PLEKHA7: variants seen among roughly 807,000 people sequenced by gnomAD.
PLEKHA7 encodes the protein pleckstrin homology domain containing A7, also known as pleckstrin homology domain-containing family A member 7.
In PLEKHA7, 104 loss-of-function variants were observed where a neutral mutation model predicts 170.0. That is an observed-to-expected ratio of 0.61 (90% CI 0.52 to 0.72). The LOEUF (loss-of-function observed/expected upper bound fraction) is 0.72. PLEKHA7 is among the 30% of genes least tolerant of loss of function. The pLI is 0.00. For missense variants in PLEKHA7, 1,615 were observed against 1,671.7 expected, an observed-to-expected ratio of 0.97 and a Z score of 0.59; for synonymous variants, 648 against 660.8, an observed-to-expected ratio of 0.98 and a Z score of 0.30.
chr11:16,788,221 T>TG (rs1017879374), intron 23 of PLEKHA7: 3 of 152,378 alleles, frequency 2.0e-5, no homozygotes, highest in African/African-American at 4.8e-5. Context: ...TCAGTAGGCC[T>TG]GCATGAAGAG....
intron 3 of PLEKHA7, among the ~76,000 whole-genome samples, chr11:17,013,676 G>A (rs562312074): frequency 6.6e-6 from 1 of 152,372 alleles, no homozygotes; most frequent in South Asian, 2.1e-4. Flanking sequence ...CGCAGCCCCA[G>A]ACCCTAGAGG....
At chr11:16,783,550 AC>A in intron 25 of PLEKHA7, 149 bp downstream of exon 25, 1 of 827,922 alleles carries the variant, frequency 1.2e-6, no homozygotes, top group Non-Finnish European at 1.7e-6. Flanking sequence ...CTGGCGATGT[AC>A]CAGCCTGCCC....
intron 3 of PLEKHA7, among the ~76,000 whole-genome samples, chr11:16,984,856 G>A (rs899552623): frequency 2.0e-5 from 3 of 152,154 alleles, no homozygotes; most frequent in African/African-American, 4.8e-5. Flanking sequence ...GACCCTACAA[G>A]GTAGATGTTC....
intron 3 of PLEKHA7, among the ~76,000 whole-genome samples, chr11:16,986,888 C>T (rs1209365889): frequency 6.6e-6 from 1 of 152,178 alleles, no homozygotes; most frequent in African/African-American, 2.4e-5. Context: ...AAGGGGCAGG[C>T]CGAGCCCCTG....
chr11:16,831,998 C>T (rs1395492740), intron 9 of PLEKHA7, among the ~76,000 whole-genome samples: 2 of 152,216 alleles, frequency 1.3e-5, no homozygotes, highest in African/African-American at 4.8e-5. Flanking sequence ...AAGATATAAG[C>T]ATAAATTGCT....
intron 3 of PLEKHA7, among the ~76,000 whole-genome samples, chr11:16,977,369 T>C (rs1185716619): frequency 6.6e-6 from 1 of 152,114 alleles, no homozygotes; most frequent in East Asian, 1.9e-4. Flanking sequence ...CTGTTACACA[T>C]TGCTCACACG....
chr11:16,787,071 T>C, intron 23 of PLEKHA7: 1 of 985,400 alleles, frequency 1.0e-6, no homozygotes, highest in Non-Finnish European at 1.2e-6. Context: ...TTTCACAGTA[T>C]CAACTTTGTA....
intron 10 of PLEKHA7, 44 bp downstream of exon 10, chr11:16,826,076 T>C (rs776119094): frequency 1.3e-6 from 2 of 1,569,780 alleles, no homozygotes; most frequent in South Asian, 1.2e-5. Context: ...TGCCACTACA[T>C]TATCGTGCTC....
chr11:16,928,181 G>A (rs974951022), intron 3 of PLEKHA7, among the ~76,000 whole-genome samples: 1 of 152,122 alleles, frequency 6.6e-6, no homozygotes, highest in South Asian at 2.1e-4. Context: ...GACGGTTCAC[G>A]CCTGTAATCC....
At chr11:16,889,410 A>ATATAT (rs1856450038) in intron 3 of PLEKHA7, among the ~76,000 whole-genome samples, 5 of 113,812 alleles carry the variant, frequency 4.4e-5, no homozygotes, top group African/African-American at 1.6e-4. Flanking sequence ...CAAAAAAAAA[A>ATATAT]AAAAAAAAAA....
At chr11:16,877,695 G>A (rs1415614094) in intron 3 of PLEKHA7, among the ~76,000 whole-genome samples, 1 of 152,114 alleles carries the variant, frequency 6.6e-6, no homozygotes, top group Admixed American at 6.5e-5. Flanking sequence ...TCTTTAAGTA[G>A]AAGATATCAA....
chr11:16,986,694 G>A (rs751829234), intron 3 of PLEKHA7, among the ~76,000 whole-genome samples: 1 of 152,154 alleles, frequency 6.6e-6, no homozygotes, highest in Admixed American at 6.5e-5. Context: ...AACAACCTGA[G>A]TAACCTTGGG....
intron 3 of PLEKHA7, among the ~76,000 whole-genome samples, chr11:16,899,897 C>G (rs971933249): frequency 6.6e-6 from 1 of 152,186 alleles, no homozygotes; most frequent in Non-Finnish European, 1.5e-5. Flanking sequence ...GTGAGCTGTT[C>G]TTGGCCTGCT....
chr11:16,935,417 G>A (rs1019461957), intron 3 of PLEKHA7, among the ~76,000 whole-genome samples: 5 of 152,166 alleles, frequency 3.3e-5, no homozygotes, highest in African/African-American at 4.8e-5. Context: ...GTGAGACTCC[G>A]TCTCAAAAAA....
chr11:16,848,318 G>A (rs74466860), intron 8 of PLEKHA7, among the ~76,000 whole-genome samples: 1 of 152,230 alleles, frequency 6.6e-6, no homozygotes, highest in African/African-American at 2.4e-5. Flanking sequence ...ATCAGAGTGT[G>A]CAACAGAAGT....
At chr11:16,872,515 T>C (rs1854938609) in intron 3 of PLEKHA7, among the ~76,000 whole-genome samples, 1 of 152,192 alleles carries the variant, frequency 6.6e-6, no homozygotes, top group Non-Finnish European at 1.5e-5. Flanking sequence ...AGTCTTATCA[T>C]ATGAATGTAA....
In PLEKHA7 at chr11:16,802,976, T is replaced by C; in HGVS notation, c.2153A>G (p.Asn718Ser). ...TTATTCAAAACTGACACGTACTTTG[T>C]TCTCTTTAAGGGCTCGTATCTTGTC... ...LEDKIRALKE[N>S]KDQLESVLEV... The change falls in exon 15 of 27, where the codon AAC becomes AGC. Residue 718 changes from asparagine (N) to serine (S), a missense_variant. Transcript: ENST00000531066. 2 of 1,612,814 alleles carry C rather than the reference T, an allele frequency of 1.2e-6. No homozygotes were observed. The highest frequency in any genetic ancestry group is 1.7e-6 in the Non-Finnish European group (2 of 1,178,738).
At chr11:16,905,792 G>A (rs982560111) in intron 3 of PLEKHA7, among the ~76,000 whole-genome samples, 8 of 152,178 alleles carry the variant, frequency 5.3e-5, no homozygotes, top group African/African-American at 1.4e-4. Flanking sequence ...TTAGTCTCAC[G>A]ACCCCATCTG....
At chr11:16,935,460 G>A (rs974745181) in intron 3 of PLEKHA7, among the ~76,000 whole-genome samples, 1 of 152,234 alleles carries the variant, frequency 6.6e-6, no homozygotes, top group African/African-American at 2.4e-5. Context: ...TTCTAGTGTG[G>A]GGAGGGGTAA....
Sources: gnomAD v4.1 joint callset for allele counts (sites outside exome capture counted in the v4.1 genomes callset) on GRCh38, gnomAD v4.1.1 for gene constraint, MANE v1.5 for transcripts, NCBI Gene and HGNC (gene_info 2026-07-23, HGNC 2026-07-21) for gene names.